The following PPP1R36 variants were observed in gnomAD, a reference collection of about 807,000 sequenced individuals.
The protein encoded by PPP1R36 is chromosome 14 open reading frame 50.
Under a neutral mutation model 53.4 loss-of-function variants are expected in PPP1R36, and 47 were observed. That is an observed-to-expected ratio of 0.88 (90% CI 0.70 to 1.12). The LOEUF is 1.12. Ranked by LOEUF, PPP1R36 falls within the 50% of genes most tolerant of loss-of-function variation. The probability of loss-of-function intolerance (pLI) is 0.00; values close to 1 mark genes in which losing one functional copy is unlikely to be tolerated. For missense variants in PPP1R36, 456 were observed against 513.9 expected, an observed-to-expected ratio of 0.89 and a Z score of 1.09; for synonymous variants, 153 against 170.5, an observed-to-expected ratio of 0.90 and a Z score of 0.80.
At chr14:64,551,039 G>A (rs1209187283) in intron 2 of PPP1R36, 54 bp downstream of exon 2, 33 of 1,240,768 alleles carry the variant, frequency 2.7e-5, no homozygotes, top group Non-Finnish European at 3.8e-5. Context: ...ATGTGCCTGG[G>A]GGAAAAAAAA....
chr14:64,564,829 T>C lies in PPP1R36; in HGVS notation c.261T>C (p.Ala87=), dbSNP rs759384336. The change falls in exon 4 of 12, where the codon GCT becomes GCC. Residue 87 remains alanine, a synonymous_variant. Coordinates refer to ENST00000298705, the MANE Select transcript of PPP1R36 (RefSeq NM_172365.3). ...ACTTTGCAGAAACTGATGGTCCAGC[T>C]TCAGACAGGTAGATTAACTTCCCAA... The part of the protein sequence containing the change: ...AVHFAETDGP[A]SDRLTDKRLA... The C allele has an allele frequency of 1.9e-6, 3 of 1,601,692 alleles. No homozygotes were observed. In the South Asian group the frequency reaches 3.4e-5, roughly 18 times the overall value.
At chr14:64,577,856 G>C (rs182292840) in intron 8 of PPP1R36, among the ~76,000 whole-genome samples, 24 of 149,998 alleles carry the variant, frequency 1.6e-4, no homozygotes, top group African/African-American at 5.6e-4. Context: ...CTCCCGAGTA[G>C]CTGGGACTAC....
chr14:64,578,332 C>T (rs1051450297), intron 8 of PPP1R36, among the ~76,000 whole-genome samples: 1 of 152,158 alleles, frequency 6.6e-6, no homozygotes, highest in Non-Finnish European at 1.5e-5. Context: ...TTCTTTCTTA[C>T]AGTAACGCTC....
chr14:64,568,319 C>G (rs746819038), intron 6 of PPP1R36, 30 bp from the exon 7 acceptor site: 1 of 1,024,852 alleles, frequency 9.8e-7, no homozygotes, highest in Non-Finnish European at 1.5e-6. Context: ...AGCATTGACT[C>G]TTTTTTTGTT....
At chr14:64,587,489 C>G in intron 10 of PPP1R36, 117 bp downstream of exon 10, 1 of 484,510 alleles carries the variant, frequency 2.1e-6, no homozygotes, top group Non-Finnish European at 2.9e-6. Context: ...GAGACAGAGT[C>G]TTGCTCTATT....
chr14:64,553,835 A>T (rs925417809), intron 3 of PPP1R36, among the ~76,000 whole-genome samples: 1 of 150,924 alleles, frequency 6.6e-6, no homozygotes, highest in African/African-American at 2.4e-5. Flanking sequence ...AAAAAAAAAA[A>T]AAAAAACAAC....
At chr14:64,551,034 C>A in intron 2 of PPP1R36, 49 bp downstream of exon 2, 1 of 1,272,638 alleles carries the variant, frequency 7.9e-7, no homozygotes, top group Non-Finnish European at 1.1e-6. Flanking sequence ...ATTACATGTG[C>A]CTGGGGGAAA....
At chr14:64,582,078 G>A (rs2080393947) in intron 8 of PPP1R36, among the ~76,000 whole-genome samples, 1 of 152,018 alleles carries the variant, frequency 6.6e-6, no homozygotes, top group Non-Finnish European at 1.5e-5. Context: ...GGGCTGACGG[G>A]GAAAAAGGGA....
At chr14:64,564,302 GTTAT>G (rs1335958891) in intron 3 of PPP1R36, among the ~76,000 whole-genome samples, 2 of 152,150 alleles carry the variant, frequency 1.3e-5, no homozygotes, top group Non-Finnish European at 2.9e-5. Context: ...GCCAGTTGCT[GTTAT>G]TTTAGTCAAG....
intron 2 of PPP1R36, 33 bp from the exon 3 acceptor site, chr14:64,552,781 C>G (rs2080106058): frequency 6.2e-7 from 1 of 1,601,866 alleles, no homozygotes; most frequent in African/African-American, 1.3e-5. Flanking sequence ...TAACCCGTCA[C>G]TTCAAAGCAG....
intron 6 of PPP1R36, 69 bp downstream of exon 6, chr14:64,565,761 G>A: frequency 1.7e-6 from 2 of 1,192,220 alleles, no homozygotes; most frequent in Non-Finnish European, 1.2e-6. Context: ...TCTGATAAGT[G>A]ATGACAAATC....
In PPP1R36 at chr14:64,568,427, G is replaced by A. The variant is rs1469321490; in HGVS notation, c.513G>A (p.Lys171=). Residue 171 remains lysine (K), a synonymous_variant, in exon 7 of 12, where the codon AAG becomes AAA. Coordinates refer to ENST00000298705, the MANE Select transcript of PPP1R36 (RefSeq NM_172365.3). ...ACTTGGAAAAAAACTCACTGGAAAAGAAACCCAAAAGCTATATGGTGTAAG... is the reference window on the plus strand; with the variant it reads ...ACTTGGAAAAAAACTCACTGGAAAAAAAACCCAAAAGCTATATGGTGTAAG... ...SHYLEKNSLE[K]KPKSYMVGLV... 2 of 1,540,698 alleles carry A rather than the reference G, an allele frequency of 1.3e-6. No individual in the cohort carries two copies. The highest frequency in any genetic ancestry group is 1.8e-6 in the Non-Finnish European group (2 of 1,127,698).
chr14:64,584,721 C>G (rs546378223), intron 8 of PPP1R36, among the ~76,000 whole-genome samples: 13 of 152,126 alleles, frequency 8.5e-5, no homozygotes, highest in Admixed American at 7.9e-4. Context: ...TGTCTTTGGA[C>G]TTAAGTCTCA....
At position 64,588,267 on chromosome 14, in the gene PPP1R36, G is replaced by C. The variant is rs2080453091; in HGVS notation, c.1054G>C (p.Gly352Arg). 1 of 1,613,156 alleles carries C rather than the reference G, an allele frequency of 6.2e-7. No homozygotes were observed. The highest frequency in any genetic ancestry group is 8.5e-7 in the Non-Finnish European group (1 of 1,179,422). The change falls in exon 11 of 12, where the codon GGA becomes CGA. Residue 352 changes from glycine to arginine, a missense_variant. Coordinates refer to ENST00000298705, the MANE Select transcript of PPP1R36 (RefSeq NM_172365.3). The stretch of plus-strand genomic sequence containing the variant: ...CCCAGCCGAGATGCAAAAGCATGTG[G>C]GAACTCTGGACTCTGTGCCCATGCC... ...RFPAEMQKHV[G>R]TLDSVPMPVV... is the part of the protein sequence containing the mutation.
At chr14:64,581,531 T>C (rs1380245895) in intron 8 of PPP1R36, among the ~76,000 whole-genome samples, 1 of 152,050 alleles carries the variant, frequency 6.6e-6, no homozygotes, top group Non-Finnish European at 1.5e-5. Flanking sequence ...GCTACTGTTA[T>C]CTTCTTATCA....
intron 6 of PPP1R36, among the ~76,000 whole-genome samples, chr14:64,567,301 C>G (rs2080267012): frequency 1.3e-5 from 2 of 152,162 alleles, no homozygotes; most frequent in South Asian, 4.1e-4. Flanking sequence ...ATCAGTGCAG[C>G]CTTTTTGGAG....
chr14:64,554,142 GTTTTTTT>G (rs367753961), intron 3 of PPP1R36, among the ~76,000 whole-genome samples: 1 of 65,290 alleles, frequency 1.5e-5, no homozygotes, highest in South Asian at 5.2e-4. Flanking sequence ...CATCACAATT[GTTTTTTT>G]TTTTTTTTTT....
In PPP1R36 at chr14:64,552,857, C is replaced by A; in HGVS notation, c.178C>A (p.Pro60Thr). ...TGTCCAGTGGCTCCTGAAACATCAC[C>A]CTCAGTGAGTGTGAGACAGACAGTG... ...DSVQWLLKHH[P>T]HFTPAAEVKE... Residue 60 changes from proline to threonine, a missense_variant, in exon 3 of 12, where the codon CCT (proline) becomes ACT (threonine). By Grantham distance (38) the Pro-to-Thr change is conservative. Transcript: ENST00000298705. The A allele has an allele frequency of 6.2e-7, 1 of 1,612,554 alleles. No individual in the cohort carries two copies. Among genetic ancestry groups the A allele is most frequent in the Middle Eastern group, 1.7e-4 (1 of 6,058 alleles).
chr14:64,565,491 A>C, intron 5 of PPP1R36, 37 bp downstream of exon 5: 1 of 1,491,966 alleles, frequency 6.7e-7, no homozygotes, highest in East Asian at 2.3e-5. Flanking sequence ...ATAAACATAC[A>C]TCTGTACATA....
Sources: gnomAD v4.1 joint callset for allele counts (sites outside exome capture counted in the v4.1 genomes callset) on GRCh38, gnomAD v4.1.1 for gene constraint, MANE v1.5 for transcripts, NCBI Gene and HGNC (gene_info 2026-07-23, HGNC 2026-07-21) for gene names.